HS6ST3: variants seen among roughly 807,000 people sequenced by gnomAD.
HS6ST3 encodes the protein heparan sulfate 6-O-sulfotransferase 3.
HS6ST3 carries 12 observed loss-of-function variants against 36.7 expected under a neutral mutation model. The ratio of observed to expected loss-of-function variants is 0.33; its 90% CI spans 0.21 to 0.53. The LOEUF is 0.53. Ranked by LOEUF, HS6ST3 falls within the 20% of genes least tolerant of loss-of-function variation. HS6ST3 has a pLI of 0.95. For missense variants in HS6ST3, 584 were observed against 640.9 expected, an observed-to-expected ratio of 0.91 and a Z score of 0.96; for synonymous variants, 240 against 257.5, an observed-to-expected ratio of 0.93 and a Z score of 0.65.
At chr13:96,212,523 GA>G (rs2054403922) in intron 1 of HS6ST3, among the ~76,000 whole-genome samples, 1 of 152,178 alleles carries the variant, frequency 6.6e-6, no homozygotes, top group Non-Finnish European at 1.5e-5. Flanking sequence ...TATTTTCAGA[GA>G]AAAACAAAAT....
intron 1 of HS6ST3, among the ~76,000 whole-genome samples, chr13:96,744,254 T>C (rs2138487244): frequency 6.6e-6 from 1 of 152,122 alleles, no homozygotes; most frequent in South Asian, 2.1e-4. Context: ...TGAATTCAAA[T>C]TACAAGTCAG....
At chr13:96,157,192 A>C (rs1410841168) in intron 1 of HS6ST3, among the ~76,000 whole-genome samples, 1 of 152,226 alleles carries the variant, frequency 6.6e-6, no homozygotes, top group Non-Finnish European at 1.5e-5. Flanking sequence ...CATTTAGTAA[A>C]TGTTACCATT....
chr13:96,098,563 G>A (rs2053802678), intron 1 of HS6ST3, among the ~76,000 whole-genome samples: 2 of 152,186 alleles, frequency 1.3e-5, no homozygotes, highest in Non-Finnish European at 2.9e-5. Flanking sequence ...GCTCACACCT[G>A]TAATCCCAGA....
chr13:96,653,981 T>C (rs2056616084), intron 1 of HS6ST3, among the ~76,000 whole-genome samples: 1 of 152,234 alleles, frequency 6.6e-6, no homozygotes, highest in South Asian at 2.1e-4. Context: ...TTTTTTCATA[T>C]GTTTGTTGGC....
chr13:96,261,001 A>C (rs2054663843), intron 1 of HS6ST3, among the ~76,000 whole-genome samples: 1 of 152,126 alleles, frequency 6.6e-6, no homozygotes, highest in African/African-American at 2.4e-5. Flanking sequence ...AATGGGTGAC[A>C]TTCTGGGTTT....
chr13:96,205,565 A>G (rs1332909587), intron 1 of HS6ST3, among the ~76,000 whole-genome samples: 2 of 152,158 alleles, frequency 1.3e-5, no homozygotes, highest in Non-Finnish European at 2.9e-5. Flanking sequence ...GAGCATCGAT[A>G]CAAAAATCTT....
At position 96,426,249 on chromosome 13, in the gene HS6ST3, T is replaced by C. The variant is rs182748675; in HGVS notation, c.707+334680T>C. ...GCTTCATAACCTCATTTCAGGGTTA[T>C]ATTGTTCGCACTGCCTCTATTTGTG... On this transcript the variant is annotated intron_variant, in intron 1 of 1. Coordinates refer to ENST00000376705, the MANE Select transcript of HS6ST3 (RefSeq NM_153456.4). Among the ~76,000 whole-genome samples the C allele has an allele frequency of 2.3e-3, 348 of 152,314 alleles. 3 individuals carry two copies. The highest frequency in any genetic ancestry group is 3.3e-3 in the Non-Finnish European group (227 of 68,030).
At chr13:96,649,083 G>T (rs1039259867) in intron 1 of HS6ST3, among the ~76,000 whole-genome samples, 11 of 151,836 alleles carry the variant, frequency 7.2e-5, no homozygotes, top group African/African-American at 2.7e-4. Flanking sequence ...CCACAGATTT[G>T]CCCCACCCAC....
chr13:96,489,969 T>C (rs2138904824), intron 1 of HS6ST3, among the ~76,000 whole-genome samples: 1 of 152,260 alleles, frequency 6.6e-6, no homozygotes, highest in South Asian at 2.1e-4. Context: ...TTTTCTTATG[T>C]AGAGCAAATT....
intron 1 of HS6ST3, among the ~76,000 whole-genome samples, chr13:96,152,813 A>T (rs935423713): frequency 6.6e-6 from 1 of 152,098 alleles, no homozygotes; most frequent in Non-Finnish European, 1.5e-5. Context: ...AAGGTCATCC[A>T]TGATTTGACT....
intron 1 of HS6ST3, among the ~76,000 whole-genome samples, chr13:96,642,490 C>T (rs920796030): frequency 6.6e-6 from 1 of 151,654 alleles, no homozygotes; most frequent in Non-Finnish European, 1.5e-5. Flanking sequence ...TTTTTGCTGC[C>T]CTTTCCTCCT....
chr13:96,496,575 C>G (rs867931518), intron 1 of HS6ST3, among the ~76,000 whole-genome samples: 2 of 152,100 alleles, frequency 1.3e-5, no homozygotes, highest in Non-Finnish European at 2.9e-5. Flanking sequence ...AGAGATATGC[C>G]TGCTCGCACC....
chr13:96,578,529 A>T (rs1224931000), intron 1 of HS6ST3, among the ~76,000 whole-genome samples: 1 of 152,042 alleles, frequency 6.6e-6, no homozygotes, highest in African/African-American at 2.4e-5. Context: ...GAAGCTGGAG[A>T]GTAGGTAGCC....
intron 1 of HS6ST3, among the ~76,000 whole-genome samples, chr13:96,829,511 C>G (rs6491309): frequency 0.41 from 62,192 of 151,662 alleles, 13,257 homozygotes; most frequent in African/African-American, 0.51. Context: ...GCCCCAGTGT[C>G]TGTTGTTCCC....
intron 1 of HS6ST3, among the ~76,000 whole-genome samples, chr13:96,231,401 C>T (rs959737767): frequency 5.3e-5 from 8 of 152,208 alleles, no homozygotes; most frequent in East Asian, 1.9e-4. Context: ...AATTGGCTGA[C>T]GGTTCCATAG....
intron 1 of HS6ST3, chr13:96,169,458 T>G (rs188090654): frequency 5.3e-5 from 8 of 152,370 alleles, no homozygotes; most frequent in East Asian, 3.9e-4. Flanking sequence ...CCTGAGCAAG[T>G]GTATAACCCA....
At chr13:96,673,978 C>T (rs532878581) in intron 1 of HS6ST3, among the ~76,000 whole-genome samples, 8 of 152,034 alleles carry the variant, frequency 5.3e-5, no homozygotes, top group South Asian at 2.1e-4. Flanking sequence ...TTATATTTCA[C>T]GGTGAGGTGA....
At chr13:96,322,703 C>T (rs1051084045) in intron 1 of HS6ST3, among the ~76,000 whole-genome samples, 2 of 152,206 alleles carry the variant, frequency 1.3e-5, no homozygotes, top group African/African-American at 4.8e-5. Context: ...TACAGCGAAA[C>T]TCTAAAAAGA....
At chr13:96,512,612 A>AT (rs1296525192) in intron 1 of HS6ST3, among the ~76,000 whole-genome samples, 1 of 152,104 alleles carries the variant, frequency 6.6e-6, no homozygotes, top group Non-Finnish European at 1.5e-5. Flanking sequence ...GGAATCATGA[A>AT]TTATTTTTAA....
Sources: gnomAD v4.1 joint callset for allele counts (sites outside exome capture counted in the v4.1 genomes callset) on GRCh38, gnomAD v4.1.1 for gene constraint, MANE v1.5 for transcripts, NCBI Gene and HGNC (gene_info 2026-07-23, HGNC 2026-07-21) for gene names.